Variants in SLC12A7 observed in about 807,000 individuals in gnomAD.
The protein encoded by SLC12A7 is solute carrier family 12 member 7, also known as K-Cl cotransporter 4.
Under a neutral mutation model 120.6 loss-of-function variants are expected in SLC12A7, and 100 were observed. That is an observed-to-expected ratio of 0.83 (90% confidence interval 0.71 to 0.98). The LOEUF is 0.98. Among genes scored for constraint, SLC12A7 ranks in the 50% least tolerant of loss-of-function variants. The pLI is 0.00. For synonymous variants in SLC12A7, 760 were observed against 678.0 expected (o/e 1.12, Z -1.88); for missense variants, 1,373 against 1,548.1 (o/e 0.89, Z 1.90).
At chr5:1,145,312 C>A in the SLC12A7 span, among the ~76,000 whole-genome samples, 1 of 152,266 alleles carries the variant, frequency 6.6e-6, no homozygotes, top group Admixed American at 6.5e-5. This position sits in a 1 kb window ranked among gnomAD's most constrained non-coding sequence, Gnocchi z 4.4. Context: ...TTCCGCAGAC[C>A]CCCTCCCTGT....
At chr5:1,062,083 G>A (rs371967355) in intron 20 of SLC12A7, among the ~76,000 whole-genome samples, 1 of 152,192 alleles carries the variant, frequency 6.6e-6, no homozygotes, top group Non-Finnish European at 1.5e-5. Context: ...GGGAGCATGG[G>A]GGGTGCTGGG....
At position 1,074,823 on chromosome 5, in the gene SLC12A7, T is replaced by G. The variant is rs552082505; in HGVS notation, c.1968-152A>C. 147 of 700,186 alleles carry G rather than the reference T, an allele frequency of 2.1e-4. No individual in the cohort carries two copies. In the African/African-American group the frequency reaches 2.2e-3, roughly 11 times the overall value. The allele number at this position is 700,186 out of a possible 1,614,324, so 43.4% of individuals were successfully genotyped here. A position where few individuals can be genotyped will look rare whatever the true frequency, so the allele number is the denominator to read the frequency against. ...AGGAGGGAGGCCTCCATGCCCACCCTTGCCCTGAAGGGAGCCCGTCCTAGG... is the reference window on the plus strand; with the variant it reads ...AGGAGGGAGGCCTCCATGCCCACCCGTGCCCTGAAGGGAGCCCGTCCTAGG... On this transcript the variant is annotated intron_variant, in intron 15 of 23. Transcript: ENST00000264930.
At position 1,084,074 on chromosome 5, in the gene SLC12A7, C is replaced by T. The variant is rs1739532713; in HGVS notation, c.918-118G>A. On this transcript the variant is annotated intron_variant, in intron 7 of 23. Coordinates refer to ENST00000264930, the MANE Select transcript of SLC12A7 (RefSeq NM_006598.3). ...CCCGCGAGTGGCTCCTGGCACCCTG[C>T]ACCTCCCAAGACAGGAAGGCCACAG... 3.7e-6 allele frequency: 3 copies of T among 804,092 alleles called. No individual in the cohort carries two copies. The South Asian group carries it at 4.7e-5, about 13-fold the overall frequency. The allele number at this position is 804,092 out of a possible 1,614,324, so 49.8% of individuals were successfully genotyped here. A position where few individuals can be genotyped will look rare whatever the true frequency, so the allele number is the denominator to read the frequency against.
chr5:1,093,608 C>T lies in SLC12A7; in HGVS notation c.267G>A (p.Leu89=), dbSNP rs896660466. Residue 89 remains leucine, a synonymous_variant, in exon 3 of 24, where the codon CTG becomes CTA. Coordinates refer to ENST00000264930, the MANE Select transcript of SLC12A7 (RefSeq NM_006598.3). ...CCTGGCTCAGGTTGGTGTAGTTGGC[C>T]AGCTTGTTGAGCAGCGAGGACACCA... is the stretch of plus-strand genomic sequence containing the variant. ...NPMVSSLLNK[L]ANYTNLSQGV... 6 of 1,613,012 alleles carry T rather than the reference C, an allele frequency of 3.7e-6. No individual in the cohort carries two copies. In the Admixed American group the frequency reaches 1.0e-4, roughly 27 times the overall value.
At chr5:1,100,182 C>T (rs1410800537) in intron 1 of SLC12A7, among the ~76,000 whole-genome samples, 3 of 152,158 alleles carry the variant, frequency 2.0e-5, no homozygotes, top group Non-Finnish European at 4.4e-5. Context: ...TCACGAAGCC[C>T]GTGAATCATC....
intron 3 of SLC12A7, 120 bp from the exon 4 acceptor site, chr5:1,089,248 A>ACCCC: frequency 9.4e-7 from 1 of 1,058,746 alleles, no homozygotes; most frequent in Non-Finnish European, 1.3e-6. Flanking sequence ...AGGGGGCAGG[A>ACCCC]GTCCTTCCCA....
At chr5:1,081,837 G>T in intron 8 of SLC12A7, 93 bp from the exon 9 acceptor site, 1 of 1,457,802 alleles carries the variant, frequency 6.9e-7, no homozygotes, top group Non-Finnish European at 9.4e-7. Flanking sequence ...TGCCACTGGT[G>T]GCCGGAGGGG....
At chr5:1,102,019 A>C (rs6879835) in intron 1 of SLC12A7, among the ~76,000 whole-genome samples, 115,955 of 152,162 alleles carry the variant, frequency 0.76, 44,706 homozygotes, top group African/African-American at 0.87. Context: ...TTAGTTTTCC[A>C]GACACCTTAT....
At chr5:1,096,601 C>T (rs1015470904) in intron 1 of SLC12A7, among the ~76,000 whole-genome samples, 1 of 148,134 alleles carries the variant, frequency 6.8e-6, no homozygotes, top group Non-Finnish European at 1.5e-5. Context: ...TGACTGGCGA[C>T]ACTTTCTGGA....
In SLC12A7 at chr5:1,102,295, G is replaced by T. The variant is rs541653849; in HGVS notation, c.125-8047C>A. 3.3e-5 allele frequency among the ~76,000 whole-genome samples: 5 copies of T among 152,328 alleles called. No individual in the cohort carries two copies. The South Asian group carries it at 1.0e-3, about 32-fold the overall frequency. On this transcript the variant is annotated intron_variant, in intron 1 of 23. Transcript: ENST00000264930. ...GGCCTGGGAAGTGCGTTCATGGGTAGTTTCTGCAGGGAGAAGCTGGCTCAC... is the reference window on the plus strand; with the variant it reads ...GGCCTGGGAAGTGCGTTCATGGGTATTTTCTGCAGGGAGAAGCTGGCTCAC...
intron 17 of SLC12A7, among the ~76,000 whole-genome samples, chr5:1,068,289 G>A (rs1459443341): frequency 6.6e-6 from 1 of 152,142 alleles, no homozygotes; most frequent in Non-Finnish European, 1.5e-5. Flanking sequence ...ACAAAAATGA[G>A]CCGGGCGTGG....
At chr5:1,065,969 G>A (rs1487126450) in intron 17 of SLC12A7, among the ~76,000 whole-genome samples, 2 of 152,176 alleles carry the variant, frequency 1.3e-5, no homozygotes, top group Non-Finnish European at 2.9e-5. Context: ...TCCCGGGGTT[G>A]GAGGGGGTCA....
chr5:1,061,573 C>T (rs4438919), intron 20 of SLC12A7, among the ~76,000 whole-genome samples: 51,544 of 140,748 alleles, frequency 0.37, 12,713 homozygotes, highest in East Asian at 0.59. Context: ...CCGCACCCGC[C>T]GTGCGGGATC....
chr5:1,115,214 A>G (rs1371258732), upstream of SLC12A7, among the ~76,000 whole-genome samples: 3 of 152,152 alleles, frequency 2.0e-5, no homozygotes, highest in African/African-American at 7.2e-5. Context: ...AGCCAGGGGA[A>G]CCCTGGGATT....
At chr5:1,107,126 C>T (rs745317672) in intron 1 of SLC12A7, among the ~76,000 whole-genome samples, 17 of 152,202 alleles carry the variant, frequency 1.1e-4, no homozygotes, top group Non-Finnish European at 1.9e-4. Context: ...ATCTGCCCTC[C>T]CTCTTCTTTC....
chr5:1,065,414 C>T lies in SLC12A7; in HGVS notation c.2306G>A (p.Ser769Asn). 1 of 1,612,282 alleles carries T rather than the reference C, an allele frequency of 6.2e-7. No individual in the cohort carries two copies. The highest frequency in any genetic ancestry group is 8.5e-7 in the Non-Finnish European group (1 of 1,179,450). ...KGFCQLVVSS[S>N]LRDGMSHLIQ... The stretch of plus-strand genomic sequence containing the variant: ...CAGGTGGGACATGCCATCCCGCAGG[C>T]TGGACGAGACCACCAGCTGGCAGAA... Residue 769 changes from serine to asparagine, a missense_variant, in exon 18 of 24, where the codon AGC (serine) becomes AAC (asparagine). Transcript: ENST00000264930.
In SLC12A7 at chr5:1,083,828, CTGGGCT is replaced by C. The variant is rs777011713; in HGVS notation, c.1040_1045del (p.Gln347_Ser349delinsArg). ...GATGAAGTACTCGTCACAGGCGGCG[CTGGGCT>C]GGGAGCCGTTGCAGAAGAGGCCCCA... is the stretch of plus-strand genomic sequence containing the variant. On this transcript the variant is annotated inframe_deletion, in exon 8 of 24. Transcript: ENST00000264930. 3.7e-6 allele frequency: 6 copies of C among 1,609,560 alleles called. No homozygotes were observed. The South Asian group carries it at 5.5e-5, about 15-fold the overall frequency.
intron 3 of SLC12A7, among the ~76,000 whole-genome samples, chr5:1,090,843 G>T (rs1293652479): frequency 6.6e-6 from 1 of 152,246 alleles, no homozygotes; most frequent in African/African-American, 2.4e-5. Context: ...CAACTTTTAA[G>T]GCTCAACCTG....
chr5:1,088,188 GAGACCCCC>G, intron 5 of SLC12A7, 110 bp downstream of exon 5: 1 of 971,956 alleles, frequency 1.0e-6, no homozygotes, highest in Non-Finnish European at 1.5e-6. Context: ...AGGCCCGGCT[GAGACCCCC>G]AGGCAGCCCC....
Sources: gnomAD v4.1 joint callset for allele counts (sites outside exome capture counted in the v4.1 genomes callset) on GRCh38, gnomAD v4.1.1 for gene constraint, Gnocchi (gnomAD v3.1) non-coding constraint, MANE v1.5 for transcripts, NCBI Gene and HGNC (gene_info 2026-07-23, HGNC 2026-07-21) for gene names.